ZNF831: variants seen among roughly 807,000 people sequenced by gnomAD.
ZNF831 encodes the protein zinc finger protein 831.
ZNF831 carries 59 observed loss-of-function variants against 95.8 expected under a neutral mutation model. The ratio of observed to expected loss-of-function variants is 0.62; its 90% CI spans 0.50 to 0.77. The LOEUF is 0.77. Among genes scored for constraint, ZNF831 ranks in the 30% least tolerant of loss-of-function variants. The pLI is 0.00. For synonymous variants in ZNF831, 961 were observed against 925.5 expected (o/e 1.04, Z -0.70); for missense variants, 2,205 against 2,164.0 (o/e 1.02, Z -0.38).
intron 3 of ZNF831, among the ~76,000 whole-genome samples, chr20:59,201,019 A>G (rs900550223): frequency 6.6e-6 from 1 of 152,372 alleles, no homozygotes; most frequent in East Asian, 1.9e-4. Context: ...AGCCTGGATC[A>G]TATGGTAGAT....
chr20:59,144,397 T>C (rs1979773760), intron 1 of ZNF831, among the ~76,000 whole-genome samples: 1 of 152,198 alleles, frequency 6.6e-6, no homozygotes, highest in South Asian at 2.1e-4. Context: ...ATCAGTTCTC[T>C]GTGGTGGAGG....
At chr20:59,199,422 A>G (rs1984374298) in intron 3 of ZNF831, among the ~76,000 whole-genome samples, 1 of 152,178 alleles carries the variant, frequency 6.6e-6, no homozygotes, top group Admixed American at 6.5e-5. Flanking sequence ...CAAATCACCA[A>G]TAATATATAA....
At chr20:59,253,510 C>G (rs1026026144) in intron 5 of ZNF831, among the ~76,000 whole-genome samples, 3 of 152,052 alleles carry the variant, frequency 2.0e-5, no homozygotes, top group Non-Finnish European at 4.4e-5. Flanking sequence ...TTTGGAAAAA[C>G]ACTCATCCGG....
At chr20:59,228,283 G>T (rs1026514793) in intron 4 of ZNF831, among the ~76,000 whole-genome samples, 13 of 152,248 alleles carry the variant, frequency 8.5e-5, no homozygotes, top group Middle Eastern at 6.8e-3. Flanking sequence ...AGCTGATCTT[G>T]CTGGGTTTGC....
intron 4 of ZNF831, among the ~76,000 whole-genome samples, chr20:59,216,699 C>CCAGGTGCATGGGGGACGGGCG (rs1985702784): frequency 6.6e-6 from 1 of 152,106 alleles, no homozygotes; most frequent in African/African-American, 2.4e-5. Context: ...GGCTAGTGTG[C>CCAGGTGCATGGGGGACGGGCG]CAGGTGCATG....
chr20:59,192,848 G>C lies in ZNF831; in HGVS notation c.1829G>C (p.Arg610Thr), dbSNP rs534139388. 3 of 1,604,232 alleles carry C rather than the reference G, an allele frequency of 1.9e-6. No individual in the cohort carries two copies. The African/African-American group carries it at 4.0e-5, about 21-fold the overall frequency. Residue 610 changes from arginine to threonine, a missense_variant, in exon 2 of 6, where the codon AGA becomes ACA. Transcript: ENST00000371030. The surrounding 1 kb of genome is among the most constrained non-coding windows in gnomAD (Gnocchi z 5.2). ...GRAGGRKCGQ[R>T]RLKMFSQEKW... The stretch of plus-strand genomic sequence containing the variant: ...GCGGGCGGCAGGAAGTGCGGCCAGA[G>C]AAGGCTGAAGATGTTCTCCCAGGAG...
intron 4 of ZNF831, among the ~76,000 whole-genome samples, chr20:59,229,952 T>C (rs1986635085): frequency 6.6e-6 from 1 of 152,124 alleles, no homozygotes; most frequent in African/African-American, 2.4e-5. Flanking sequence ...AAGAATATTC[T>C]AGAGGGGCAC....
intron 4 of ZNF831, among the ~76,000 whole-genome samples, chr20:59,230,512 A>G (rs1478443401): frequency 1.3e-5 from 2 of 152,162 alleles, no homozygotes; most frequent in Admixed American, 6.5e-5. Flanking sequence ...ATAAATAGAA[A>G]TAAACAAATG....
At chr20:59,139,410 A>C (rs1378773492) in intron 1 of ZNF831, among the ~76,000 whole-genome samples, 1 of 151,854 alleles carries the variant, frequency 6.6e-6, no homozygotes, top group South Asian at 2.1e-4. Flanking sequence ...TTCTGTTTTT[A>C]CTCCACCCAG....
At chr20:59,213,225 T>G (rs1209863256) in intron 4 of ZNF831, among the ~76,000 whole-genome samples, 1 of 152,218 alleles carries the variant, frequency 6.6e-6, no homozygotes, top group Non-Finnish European at 1.5e-5. Context: ...CATCAATACT[T>G]GACTACGTTT....
At chr20:59,206,841 C>T in intron 3 of ZNF831, 64 bp from the exon 4 acceptor site, 1 of 1,566,364 alleles carries the variant, frequency 6.4e-7, no homozygotes, top group Non-Finnish European at 8.7e-7. Flanking sequence ...CAGTGACTTT[C>T]CAGATTTTTC....
intron 4 of ZNF831, among the ~76,000 whole-genome samples, chr20:59,246,869 C>T (rs761102567): frequency 7.2e-5 from 11 of 152,200 alleles, no homozygotes; most frequent in Non-Finnish European, 1.2e-4. Flanking sequence ...CCAACCCTCC[C>T]TGCCTGTGCA....
chr20:59,180,258 T>C (rs546622208), intron 1 of ZNF831, among the ~76,000 whole-genome samples: 65 of 152,076 alleles, frequency 4.3e-4, no homozygotes, highest in Non-Finnish European at 4.9e-4. Flanking sequence ...TGCCTAATTA[T>C]TTATTTTTTG....
At chr20:59,240,153 A>G (rs553811386) in intron 4 of ZNF831, among the ~76,000 whole-genome samples, 27 of 120,644 alleles carry the variant, frequency 2.2e-4, no homozygotes, top group Non-Finnish European at 4.1e-4. Flanking sequence ...GCTGCTGTCT[A>G]TCCTCTGTGC....
chr20:59,202,343 A>ATTT lies in ZNF831; in HGVS notation c.3876-4562_3876-4561insTTT, dbSNP rs1601391494. ...TTCAACCTTTTTTTTTTTTTTTAAA[A>ATTT]AAAAAAACACATCTAATGTTTTGCA... On this transcript the variant is annotated intron_variant, in intron 3 of 5. Coordinates refer to ENST00000371030, the MANE Select transcript of ZNF831 (RefSeq NM_178457.3). Among the ~76,000 whole-genome samples the ATTT allele has an allele frequency of 1.1e-4, 14 of 132,410 alleles. No homozygotes were observed. The East Asian group carries it at 1.2e-3, about 12-fold the overall frequency. The allele number at this position is 132,410 out of a possible 152,430, so 86.9% of individuals were successfully genotyped here.
intron 4 of ZNF831, among the ~76,000 whole-genome samples, chr20:59,228,368 C>T (rs973412698): frequency 6.6e-6 from 1 of 152,040 alleles, no homozygotes; most frequent in Non-Finnish European, 1.5e-5. Flanking sequence ...GATGGCCTCA[C>T]TCACAGACAT....
chr20:59,136,585 G>A (rs533855428), intron 1 of ZNF831, among the ~76,000 whole-genome samples: 41 of 152,188 alleles, frequency 2.7e-4, no homozygotes, highest in African/African-American at 9.2e-4. Context: ...GATCCTTTGC[G>A]GTAGATACTG....
chr20:59,163,014 G>GGTGTGT (rs58451639), upstream of ZNF831, among the ~76,000 whole-genome samples: 1,802 of 136,472 alleles, frequency 0.013, 29 homozygotes, highest in African/African-American at 0.044. Flanking sequence ...TGTATTCCTA[G>GGTGTGT]GTGTGTGTGT....
intron 4 of ZNF831, among the ~76,000 whole-genome samples, chr20:59,209,033 C>T (rs112908153): frequency 1.3e-5 from 2 of 152,158 alleles, no homozygotes; most frequent in African/African-American, 2.4e-5. Flanking sequence ...CCCCTGGTCT[C>T]GATAAATGTG....
Sources: gnomAD v4.1 joint callset for allele counts (sites outside exome capture counted in the v4.1 genomes callset) on GRCh38, gnomAD v4.1.1 for gene constraint, Gnocchi (gnomAD v3.1) non-coding constraint, MANE v1.5 for transcripts, NCBI Gene and HGNC (gene_info 2026-07-23, HGNC 2026-07-21) for gene names.